Variants in CHIT1 observed in about 807,000 individuals in gnomAD.
The protein encoded by CHIT1 is chitinase 1.
In CHIT1, 47 loss-of-function variants were observed where a neutral mutation model predicts 52.0. That is an observed-to-expected ratio of 0.90 (90% CI 0.71 to 1.15). CHIT1 has a LOEUF of 1.15. Ranked by LOEUF, CHIT1 falls within the 50% of genes most tolerant of loss-of-function variation. The probability of loss-of-function intolerance (pLI) is 0.00; values close to 1 mark genes in which losing one functional copy is unlikely to be tolerated. For missense variants in CHIT1, 569 were observed against 583.0 expected, an observed-to-expected ratio of 0.98 and a Z score of 0.25; for synonymous variants, 242 against 228.2, an observed-to-expected ratio of 1.06 and a Z score of -0.54.
At chr1:203,221,226 C>G (rs1301947542) in intron 7 of CHIT1, among the ~76,000 whole-genome samples, 2 of 152,100 alleles carry the variant, frequency 1.3e-5, no homozygotes, top group Admixed American at 1.3e-4. Context: ...AGGGCTTTTT[C>G]TTTGTTGTTT....
intron 6 of CHIT1, 93 bp downstream of exon 6, chr1:203,223,042 T>C (rs554906802): frequency 6.5e-7 from 1 of 1,546,832 alleles, no homozygotes; most frequent in African/African-American, 1.4e-5. Flanking sequence ...GCCTTGTAGA[T>C]GAACACCTGC....
chr1:203,224,016 A>C (rs1327063571), intron 4 of CHIT1, among the ~76,000 whole-genome samples: 1 of 152,160 alleles, frequency 6.6e-6, no homozygotes, highest in African/African-American at 2.4e-5. Context: ...TTTGAAAAGA[A>C]AAGGAATTAG....
chr1:203,223,294 G>C, intron 5 of CHIT1, 35 bp from the exon 6 acceptor site: 1 of 1,612,848 alleles, frequency 6.2e-7, no homozygotes, highest in Non-Finnish European at 8.5e-7. Context: ...ACACAGGGGC[G>C]CGCACCAGGC....
Position 203,225,943 on chromosome 1 carries a change from G to A in CHIT1, c.56-73C>T, listed in dbSNP as rs527695100. Reference sequence around the variant, plus strand: ...TGGGGACTGGTCACCCTCCATCTGGGGTAGGCAATGTCCTTGGACCTCCCT... The same window carrying A: ...TGGGGACTGGTCACCCTCCATCTGGAGTAGGCAATGTCCTTGGACCTCCCT... On this transcript the variant is annotated intron_variant, in intron 2 of 10. Coordinates refer to ENST00000367229, the MANE Select transcript of CHIT1 (RefSeq NM_003465.3). 187 of 1,503,792 alleles carry A rather than the reference G, an allele frequency of 1.2e-4. No individual in the cohort carries two copies. In the African/African-American group the frequency reaches 2.3e-3, roughly 18 times the overall value. 93.2% of individuals were successfully genotyped at this position (1,503,792 alleles called of 1,614,324 possible). A position where few individuals can be genotyped will look rare whatever the true frequency, so the allele number is the denominator to read the frequency against.
At chr1:203,229,372 G>C (rs964690570) in intron 1 of CHIT1, among the ~76,000 whole-genome samples, 2 of 152,188 alleles carry the variant, frequency 1.3e-5, no homozygotes, top group African/African-American at 4.8e-5. Context: ...TCTTCAGCCT[G>C]TTGAGAAAAG....
Position 203,225,709 on chromosome 1 carries a change from C to T in CHIT1, c.217G>A (p.Asp73Asn). The change falls in exon 3 of 11, where the codon GAC (aspartate) becomes AAC (asparagine). Residue 73 changes from aspartate (D) to asparagine (N), a missense_variant. Transcript: ENST00000367229. ...NHQLSTTEWN[D>N]ETLYQEFNGL... ...TTGAACTCCTGGTAGAGAGTCTCGT[C>T]ATTCCACTCAGTGGTGCTCAGCTGG... is the stretch of plus-strand genomic sequence containing the variant. 1 of 1,614,082 alleles carries T rather than the reference C, an allele frequency of 6.2e-7. No homozygotes were observed. The highest frequency in any genetic ancestry group is 8.5e-7 in the Non-Finnish European group (1 of 1,179,994).
chr1:203,218,329 A>G (rs1656613457), intron 9 of CHIT1, among the ~76,000 whole-genome samples: 2 of 152,164 alleles, frequency 1.3e-5, no homozygotes, highest in African/African-American at 4.8e-5. Context: ...CCTGAGAGCC[A>G]TCTTCCCTCC....
chr1:203,225,592 G>T, intron 3 of CHIT1, 77 bp downstream of exon 3: 1 of 1,432,470 alleles, frequency 7.0e-7, no homozygotes, highest in South Asian at 1.2e-5. Flanking sequence ...TAGTGCTGGA[G>T]AGGTGTCTGG....
rs116149779 is a variant in CHIT1 at position 203,222,036 on chromosome 1, G to A, written c.729+166C>T. Among the ~76,000 whole-genome samples, 98 of 152,304 alleles carry A rather than the reference G, an allele frequency of 6.4e-4. 2 individuals are homozygous for A. The highest frequency in any genetic ancestry group is 2.3e-3 in the African/African-American group (94 of 41,576). On this transcript the variant is annotated intron_variant, in intron 7 of 10. Transcript: ENST00000367229. Reference sequence around the variant, plus strand: ...TGAGGTTTCCCCTCAGCAGGGGCACGGACCAGGAAAATAGAACAAAACAAG... The same window carrying A: ...TGAGGTTTCCCCTCAGCAGGGGCACAGACCAGGAAAATAGAACAAAACAAG...
At chr1:203,225,648 T>G (rs1656899904) in intron 3 of CHIT1, 21 bp downstream of exon 3, 1 of 1,002,810 alleles carries the variant, frequency 1.0e-6, no homozygotes, top group Non-Finnish European at 1.5e-6. Flanking sequence ...CCACCCACCC[T>G]GCTCCTCTGC....
intron 10 of CHIT1, chr1:203,217,470 C>T (rs1248487403): frequency 1.6e-5 from 21 of 1,280,956 alleles, no homozygotes; most frequent in Non-Finnish European, 2.2e-5. Flanking sequence ...CAAGGTGCTG[C>T]TCCCAGTCTG....
chr1:203,216,591 C>T lies in CHIT1; in HGVS notation c.*298G>A, dbSNP rs1656536546. 2.0e-6 allele frequency: 1 copy of T among 498,146 alleles called. No individual in the cohort carries two copies. Among genetic ancestry groups the T allele is most frequent in the African/African-American group, 1.9e-5 (1 of 51,728 alleles). The allele number at this position is 498,146 out of a possible 1,614,324, so 30.9% of individuals were successfully genotyped here. On this transcript the variant is annotated 3_prime_UTR_variant, in exon 11 of 11. Coordinates refer to ENST00000367229, the MANE Select transcript of CHIT1 (RefSeq NM_003465.3). ...GGCACATCCTGCACGGACCACCTTCCCACCTGGCTCTGACCTGCGGATGTT... is the reference window on the plus strand; with the variant it reads ...GGCACATCCTGCACGGACCACCTTCTCACCTGGCTCTGACCTGCGGATGTT...
At chr1:203,229,934 CCTGACTTT>C, upstream of CHIT1, 1 of 465,006 alleles carries the variant, frequency 2.2e-6, no homozygotes, top group Non-Finnish European at 4.0e-6. Context: ...TGAGCATGAC[CCTGACTTT>C]CTTTGTGTAG....
At chr1:203,221,945 T>C (rs1172606107) in intron 7 of CHIT1, among the ~76,000 whole-genome samples, 3 of 152,114 alleles carry the variant, frequency 2.0e-5, no homozygotes, top group Non-Finnish European at 4.4e-5. Context: ...GGCTTCCCCA[T>C]TGGTCACTTG....
At chr1:203,219,991 A>G (rs1656675785) in intron 7 of CHIT1, 142 bp from the exon 8 acceptor site, 2 of 1,022,222 alleles carry the variant, frequency 2.0e-6, no homozygotes, top group East Asian at 2.6e-5. Flanking sequence ...TTCCAGCCCT[A>G]CCCCATCTTC....
intron 2 of CHIT1, among the ~76,000 whole-genome samples, chr1:203,227,129 G>A (rs1031664200): frequency 6.6e-6 from 1 of 152,186 alleles, no homozygotes; most frequent in African/African-American, 2.4e-5. Flanking sequence ...AGTGTCTATA[G>A]GAGAGTTTTG....
At chr1:203,218,214 G>A in intron 9 of CHIT1, 1 of 602,438 alleles carries the variant, frequency 1.7e-6, no homozygotes, top group Non-Finnish European at 2.3e-6. Flanking sequence ...ATTGTATGCT[G>A]GTCAAGGTCA....
chr1:203,218,908 G>A (rs1656633638), intron 9 of CHIT1, among the ~76,000 whole-genome samples: 1 of 152,176 alleles, frequency 6.6e-6, no homozygotes. Context: ...TATTGCCAAT[G>A]GGCTGAAGAA....
In CHIT1 at chr1:203,223,578, C is replaced by G. The variant is rs1384304559; in HGVS notation, c.397G>C (p.Asp133His). Residue 133 changes from aspartate to histidine, a missense_variant, in exon 5 of 11, where the codon GAC (aspartate) becomes CAC (histidine). Physicochemically the swap from Asp to His is moderately conservative, Grantham distance 81. Transcript: ENST00000367229. ...AIRFLRKYSFDGLDLDWEYPG... is the reference protein window; with the variant it reads ...AIRFLRKYSFHGLDLDWEYPG... ...TACTCCCAGTCAAGGTCAAGGCCGT[C>G]AAAGCTGTATTTGCGCAGAAACCTG... The G allele has an allele frequency of 6.2e-7, 1 of 1,614,206 alleles. No homozygotes were observed. Among genetic ancestry groups the G allele is most frequent in the East Asian group, 2.2e-5 (1 of 44,884 alleles).
Sources: gnomAD v4.1 joint callset for allele counts (sites outside exome capture counted in the v4.1 genomes callset) on GRCh38, gnomAD v4.1.1 for gene constraint, MANE v1.5 for transcripts, NCBI Gene and HGNC (gene_info 2026-07-23, HGNC 2026-07-21) for gene names.